The following OAS3 variants were observed in gnomAD, a reference collection of about 807,000 sequenced individuals.
OAS3 encodes 2'-5'-oligoadenylate synthase 3.
In OAS3, 107 loss-of-function variants were observed where a neutral mutation model predicts 113.0. The ratio of observed to expected loss-of-function variants is 0.95; its 90% CI spans 0.81 to 1.11. The LOEUF (loss-of-function observed/expected upper bound fraction) is 1.11. OAS3 is among the 50% of genes most tolerant of loss of function. The pLI, the probability that OAS3 is intolerant of heterozygous loss-of-function variation, is 0.00. For missense variants in OAS3, 1,258 were observed against 1,389.1 expected (o/e 0.91, Z 1.50); for synonymous variants, 552 against 573.6 (o/e 0.96, Z 0.54).
intron 10 of OAS3, among the ~76,000 whole-genome samples, chr12:112,964,024 A>G (rs2043911950): frequency 6.6e-6 from 1 of 152,236 alleles, no homozygotes; most frequent in Non-Finnish European, 1.5e-5. Flanking sequence ...TCATTTAAAC[A>G]TGGGGAAACT....
In OAS3 at chr12:112,965,846, CG is replaced by C. The variant is rs1565982113; in HGVS notation, c.2509del (p.Ala837ProfsTer35). On this transcript the variant is annotated frameshift_variant, in exon 12 of 16. Transcript: ENST00000228928. LOFTEE classifies it high-confidence loss of function. ...FSQFTEQGNK[R>X]AEIISEIRAQ... ...CCAGTTCACTGAGCAGGGCAACAAG[CG>C]GGCCGAGATCATCTCCGAGATCCGA... is the stretch of plus-strand genomic sequence containing the variant. 2.5e-6 allele frequency: 4 copies of C among 1,613,582 alleles called. No homozygotes were observed. The South Asian group carries it at 4.4e-5, about 18-fold the overall frequency.
chr12:112,965,414 T>C (rs527433555), intron 11 of OAS3, among the ~76,000 whole-genome samples: 1 of 152,250 alleles, frequency 6.6e-6, no homozygotes, highest in East Asian at 1.9e-4. Flanking sequence ...CAGCCATTAG[T>C]CGTTGGTAAA....
Position 112,965,889 on chromosome 12 carries a change from G to A in OAS3, c.2549G>A (p.Cys850Tyr). Reference sequence around the variant, plus strand: ...GAGATCCGAGCCCAGCTGGAGGCATGTCAACAGGAGCGGCAGTTCGAGGTC... The same window carrying A: ...GAGATCCGAGCCCAGCTGGAGGCATATCAACAGGAGCGGCAGTTCGAGGTC... ...ISEIRAQLEA[C>Y]QQERQFEVKF... is the part of the protein sequence containing the mutation. The change falls in exon 12 of 16, where the codon TGT becomes TAT. Residue 850 changes from cysteine to tyrosine, a missense_variant. Physicochemically the swap from Cys to Tyr is radical, Grantham distance 194. Coordinates refer to ENST00000228928, the MANE Select transcript of OAS3 (RefSeq NM_006187.4). 6.2e-7 allele frequency: 1 copy of A among 1,613,730 alleles called. No homozygotes were observed. The highest frequency in any genetic ancestry group is 8.5e-7 in the Non-Finnish European group (1 of 1,179,776).
rs78458393 is a variant in OAS3 at position 112,939,186 on chromosome 12, A to C, written c.177+479A>C. On this transcript the variant is annotated intron_variant, in intron 1 of 15. Transcript: ENST00000228928. ...ACATTATCAAATAACAATGAAAATT[A>C]TCTCATTAAATGAGTATTACCTCAT... Among the ~76,000 whole-genome samples, 864 of 152,298 alleles carry C rather than the reference A, an allele frequency of 5.7e-3. 24 individuals carry two copies. In the East Asian group the frequency reaches 0.084, roughly 15 times the overall value.
chr12:112,964,612 C>A (rs983927093), intron 11 of OAS3, among the ~76,000 whole-genome samples: 15 of 151,744 alleles, frequency 9.9e-5, no homozygotes, highest in African/African-American at 3.6e-4. Flanking sequence ...GCTAGTGACA[C>A]CTAACTCAAA....
intron 2 of OAS3, among the ~76,000 whole-genome samples, chr12:112,943,912 C>T (rs1196493216): frequency 1.3e-5 from 2 of 151,938 alleles, no homozygotes; most frequent in Non-Finnish European, 2.9e-5. Context: ...AGGCTGGTCT[C>T]GAACTCCTGA....
chr12:112,949,116 C>G lies in OAS3; in HGVS notation c.1285C>G (p.Gln429Glu). The G allele has an allele frequency of 6.2e-7, 1 of 1,614,026 alleles. No individual in the cohort carries two copies. The highest frequency in any genetic ancestry group is 8.5e-7 in the Non-Finnish European group (1 of 1,179,896). Residue 429 changes from glutamine to glutamate, a missense_variant, in exon 6 of 16, where the codon CAG (glutamine) becomes GAG (glutamate). Coordinates refer to ENST00000228928, the MANE Select transcript of OAS3 (RefSeq NM_006187.4). ...FIQDHLKPSP[Q>E]FQEQVKKAID... Reference sequence around the variant, plus strand: ...CCAGGACCACCTGAAGCCGAGCCCCCAGTTCCAGGAGCAGGTGAAAAAGGC... The same window carrying G: ...CCAGGACCACCTGAAGCCGAGCCCCGAGTTCCAGGAGCAGGTGAAAAAGGC...
intron 4 of OAS3, among the ~76,000 whole-genome samples, 180 bp from the exon 5 acceptor site, chr12:112,947,766 G>GAT (rs2043746596): frequency 1.3e-5 from 2 of 152,196 alleles, no homozygotes; most frequent in Non-Finnish European, 2.9e-5. Context: ...GGTTGACAAT[G>GAT]ATAAGCAGGC....
Position 112,944,552 on chromosome 12 carries a change from G to A in OAS3, c.537G>A (p.Glu179=), listed in dbSNP as rs769572887. ...TCAACAGTGGCTGCCAAGGGGGCGA[G>A]CATGCGGCCTGCTTCACAGAGCTGC... ...TLLNSGCQGG[E]HAACFTELRR... is the part of the protein sequence containing the mutation. Residue 179 remains glutamate (E), a synonymous_variant, in exon 3 of 16, where the codon GAG becomes GAA. Coordinates refer to ENST00000228928, the MANE Select transcript of OAS3 (RefSeq NM_006187.4). 7.4e-6 allele frequency: 12 copies of A among 1,614,064 alleles called. 1 individual carries two copies. In the South Asian group the frequency reaches 1.3e-4, roughly 18 times the overall value.
At chr12:112,945,485 C>G (rs983770895) in intron 3 of OAS3, 1 of 152,612 alleles carries the variant, frequency 6.6e-6, no homozygotes, top group African/African-American at 2.4e-5. Context: ...ACTTCCCTCC[C>G]TAGCCTCAGG....
chr12:112,954,896 A>G lies in OAS3; in HGVS notation c.1657+3921A>G, dbSNP rs574581106. ...GCTTGTTGGGGATGGCATTGAATCT[A>G]TAAATTACCTTGGGCAATATGGCCA... On this transcript the variant is annotated intron_variant, in intron 7 of 15. Transcript: ENST00000228928. This position sits in a 1 kb window ranked among gnomAD's most constrained non-coding sequence, Gnocchi z 4.0. Among the ~76,000 whole-genome samples the G allele has an allele frequency of 6.6e-6, 1 of 152,324 alleles. No homozygotes were observed. Among genetic ancestry groups the G allele is most frequent in the East Asian group, 1.9e-4 (1 of 5,192 alleles).
chr12:112,948,301 G>A (rs916764463), intron 5 of OAS3, among the ~76,000 whole-genome samples: 8 of 152,038 alleles, frequency 5.3e-5, no homozygotes, highest in African/African-American at 1.9e-4. Flanking sequence ...TCAGGAGTTC[G>A]AGACCAGTCT....
At position 112,969,932 on chromosome 12, in the gene OAS3, T is replaced by A. The variant is rs764248317; in HGVS notation, c.3253-30T>A. On this transcript the variant is annotated intron_variant, in intron 15 of 15. Coordinates refer to ENST00000228928, the MANE Select transcript of OAS3 (RefSeq NM_006187.4). Reference sequence around the variant, plus strand: ...CTCAGCTTCTGCAGAAAGAATGGGGTTACCAACATCTCTTATAATACTTCC... The same window carrying A: ...CTCAGCTTCTGCAGAAAGAATGGGGATACCAACATCTCTTATAATACTTCC... 1.9e-6 allele frequency: 3 copies of A among 1,605,594 alleles called. No homozygotes were observed. In the Admixed American group the frequency reaches 5.1e-5, roughly 27 times the overall value.
At chr12:112,941,520 G>C (rs1214834654) in intron 1 of OAS3, 50 bp from the exon 2 acceptor site, 11 of 1,571,346 alleles carry the variant, frequency 7.0e-6, no homozygotes, top group African/African-American at 1.4e-5. Flanking sequence ...AGGTTGCAAG[G>C]CCACTAGAAT....
chr12:112,944,649 C>G lies in OAS3; in HGVS notation c.634C>G (p.Gln212Glu), dbSNP rs1565974654. 1 of 1,614,018 alleles carries G rather than the reference C, an allele frequency of 6.2e-7. No homozygotes were observed. Among genetic ancestry groups the G allele is most frequent in the Non-Finnish European group, 8.5e-7 (1 of 1,179,900 alleles). ...LILLVKHWYH[Q>E]VCLQGLWKET... ...CTTGCTGGTGAAGCACTGGTACCAC[C>G]AGGTGAAGCCACTTGGAAGGGTTTC... Residue 212 changes from glutamine (Q) to glutamate (E), a missense_variant and splice_region_variant, in exon 3 of 16, where the codon CAG becomes GAG. By Grantham distance (29) the Gln-to-Glu change is conservative (BLOSUM62 2). Transcript: ENST00000228928.
At chr12:112,941,122 A>T (rs149978363) in intron 1 of OAS3, among the ~76,000 whole-genome samples, 38 of 152,252 alleles carry the variant, frequency 2.5e-4, no homozygotes, top group South Asian at 4.1e-4. Context: ...CAGGAATTCC[A>T]AGCTGCAGTG....
intron 7 of OAS3, among the ~76,000 whole-genome samples, chr12:112,951,264 G>T (rs551621964): frequency 6.6e-6 from 1 of 152,122 alleles, no homozygotes; most frequent in East Asian, 1.9e-4. Flanking sequence ...AGGCATATCT[G>T]CTTGGTATTT....
Position 112,961,078 on chromosome 12 carries a change from C to T in OAS3, c.1665C>T (p.Leu555=), listed in dbSNP as rs1397460731. The part of the protein sequence containing the change: ...LLPAFDAVGQ[L]SSGTKPNPQV... ...TGTTTCAAACTTCTACAGGGCAGCT[C>T]AGTTCTGGCACCAAACCAAATCCCC... The change falls in exon 8 of 16, where the codon CTC becomes CTT. Residue 555 remains leucine, a synonymous_variant. Coordinates refer to ENST00000228928, the MANE Select transcript of OAS3 (RefSeq NM_006187.4). The T allele has an allele frequency of 5.0e-6, 8 of 1,613,264 alleles. No homozygotes were observed. Among genetic ancestry groups the T allele is most frequent in the South Asian group, 1.1e-5 (1 of 90,838 alleles).
Position 112,944,661 on chromosome 12 carries a change from C to T in OAS3, c.636+10C>T, listed in dbSNP as rs1330592790. The T allele has an allele frequency of 1.9e-6, 3 of 1,613,844 alleles. No homozygotes were observed. In the Admixed American group the frequency reaches 5.0e-5, roughly 27 times the overall value. ...GCACTGGTACCACCAGGTGAAGCCA[C>T]TTGGAAGGGTTTCTCCAGACATGTG... On this transcript the variant is annotated intron_variant, in intron 3 of 15. Coordinates refer to ENST00000228928, the MANE Select transcript of OAS3 (RefSeq NM_006187.4).
Sources: gnomAD v4.1 joint callset for allele counts (sites outside exome capture counted in the v4.1 genomes callset) on GRCh38, gnomAD v4.1.1 for gene constraint, Gnocchi (gnomAD v3.1) non-coding constraint, MANE v1.5 for transcripts, NCBI Gene and HGNC (gene_info 2026-07-23, HGNC 2026-07-21) for gene names.